PXN: variants seen among roughly 807,000 people sequenced by gnomAD.
The protein encoded by PXN is testicular tissue protein Li 134.
A neutral mutation model predicts 103.6 loss-of-function variants in PXN; 61 were observed. The observed-to-expected ratio is 0.59, with a 90% CI of 0.48 to 0.73. The LOEUF (loss-of-function observed/expected upper bound fraction) is 0.73. Ranked by LOEUF, PXN falls within the 30% of genes least tolerant of loss-of-function variation. The probability of loss-of-function intolerance (pLI) is 0.00; values close to 1 mark genes in which losing one functional copy is unlikely to be tolerated. For missense variants in PXN, 1,274 were observed against 1,460.3 expected (o/e 0.87, Z 2.08); for synonymous variants, 562 against 607.8 (o/e 0.92, Z 1.11).
At chr12:120,261,241 A>G (rs926472792) in intron 1 of PXN, among the ~76,000 whole-genome samples, 2 of 152,216 alleles carry the variant, frequency 1.3e-5, no homozygotes, top group Non-Finnish European at 2.9e-5. Context: ...CCTAGGCCAG[A>G]GTGCAGTGAT....
rs1188980754 is a variant in PXN, at chr12:120,217,031, G to A, written c.1802C>T (p.Pro601Leu). ...GGATGGGGTCCTGCTCAAGGTGGCA[G>A]GGTCCAGCCGGCGGCGAGGGGAGGG... is the stretch of plus-strand genomic sequence containing the variant. ...REPSPRRRLD[P>L]ATLSRTPSQE... The change falls in exon 8 of 15, where the codon CCT becomes CTT. Residue 601 changes from proline to leucine, a missense_variant. Coordinates refer to ENST00000637617, the MANE Select transcript of PXN (RefSeq NM_001385981.1). This position sits in a 1 kb window ranked among gnomAD's most constrained non-coding sequence, Gnocchi z 4.1. The A allele has an allele frequency of 6.3e-7, 1 of 1,584,714 alleles. No homozygotes were observed. The highest frequency in any genetic ancestry group is 8.5e-7 in the Non-Finnish European group (1 of 1,173,896).
intron 1 of PXN, among the ~76,000 whole-genome samples, chr12:120,248,977 A>C (rs928929800): frequency 1.3e-5 from 2 of 151,860 alleles, no homozygotes; most frequent in African/African-American, 4.8e-5. Context: ...TCTCTACTAA[A>C]AATACAAAAC....
intron 1 of PXN, chr12:120,226,044 C>G: frequency 9.2e-7 from 1 of 1,083,838 alleles, no homozygotes; most frequent in African/African-American, 1.7e-5. Flanking sequence ...GGAGGCCTGG[C>G]TTCCTGTCTC....
Position 120,214,782 on chromosome 12 carries a change from T to A in PXN, c.2748+43A>T. 1 of 1,608,242 alleles carries A rather than the reference T, an allele frequency of 6.2e-7. No homozygotes were observed. Among genetic ancestry groups the A allele is most frequent in the Non-Finnish European group, 8.5e-7 (1 of 1,175,992 alleles). On this transcript the variant is annotated intron_variant, in intron 12 of 14. Coordinates refer to ENST00000637617, the MANE Select transcript of PXN (RefSeq NM_001385981.1). This position sits in a 1 kb window ranked among gnomAD's most constrained non-coding sequence, Gnocchi z 5.0. The stretch of plus-strand genomic sequence containing the variant: ...CATCCTCAGAGGGCTGCGGTGAAGC[T>A]GGAATGAGCGGAAGCGGGCGCGGTG...
intron 1 of PXN, among the ~76,000 whole-genome samples, chr12:120,260,999 A>G (rs1439789745): frequency 6.6e-6 from 1 of 152,182 alleles, no homozygotes; most frequent in Non-Finnish European, 1.5e-5. Context: ...TAGCACTGCC[A>G]TTCACTAGTT....
At chr12:120,248,028 T>C (rs1891466484) in intron 1 of PXN, among the ~76,000 whole-genome samples, 1 of 151,752 alleles carries the variant, frequency 6.6e-6, no homozygotes, top group South Asian at 2.1e-4. Flanking sequence ...TGGACAAAAT[T>C]GAAAAGAAAA....
At chr12:120,238,285 T>C (rs981306848) in intron 1 of PXN, among the ~76,000 whole-genome samples, 1 of 152,144 alleles carries the variant, frequency 6.6e-6, no homozygotes, top group African/African-American at 2.4e-5. Flanking sequence ...TGAGACCACG[T>C]CGTAGTTAGC....
intron 1 of PXN, among the ~76,000 whole-genome samples, chr12:120,242,419 T>A (rs569156927): frequency 6.6e-6 from 1 of 151,988 alleles, no homozygotes; most frequent in African/African-American, 2.4e-5. Context: ...GGGGTCAGCC[T>A]AAGCAGGTTA....
At chr12:120,218,234 G>A (rs868132792) in intron 7 of PXN, among the ~76,000 whole-genome samples, 11 of 151,634 alleles carry the variant, frequency 7.3e-5, no homozygotes, top group Admixed American at 2.6e-4. Flanking sequence ...TGTAGAGACA[G>A]GGTTTCACTG....
intron 1 of PXN, chr12:120,226,648 A>G (rs779717599): frequency 4.2e-6 from 5 of 1,178,406 alleles, no homozygotes; most frequent in Non-Finnish European, 5.3e-6. Context: ...TTGGGAGCAC[A>G]GATCCCTAGG....
At position 120,221,756 on chromosome 12, in the gene PXN, G is replaced by A. The variant is rs761067124; in HGVS notation, c.698C>T (p.Pro233Leu). 1.3e-5 allele frequency: 20 copies of A among 1,566,398 alleles called. No homozygotes were observed. Among genetic ancestry groups the A allele is most frequent in the Non-Finnish European group, 1.7e-5 (20 of 1,157,104 alleles). ...ELESSVPSPV[P>L]AITVNQGEMS... ...CTCGCCCTGGTTCACAGTGATGGCA[G>A]GGCTGCAGGGTGGGCACAGCATCAG... The change falls in exon 6 of 15, where the codon CCT becomes CTT. Residue 233 changes from proline to leucine, a missense_variant and splice_region_variant. Pro to Leu is a moderately conservative substitution (Grantham distance 98). This residue lies in a region of PXN where 1,178 missense variants were observed against 1,309.0 expected (regional missense o/e 0.90). Transcript: ENST00000637617. This position sits in a 1 kb window ranked among gnomAD's most constrained non-coding sequence, Gnocchi z 6.6.
intron 1 of PXN, among the ~76,000 whole-genome samples, chr12:120,246,514 C>CAAAAAAAAAAAAAAAAAA (rs139689226): frequency 1.4e-4 from 8 of 58,250 alleles, no homozygotes; most frequent in African/African-American, 2.5e-4. Context: ...GACTCTGTCT[C>CAAAAAAAAAAAAAAAAAA]AAAAAAAAAA....
In PXN at chr12:120,224,669, C is replaced by A; in HGVS notation, c.14-292G>T. 1.6e-6 allele frequency: 1 copy of A among 642,314 alleles called. No homozygotes were observed. Among genetic ancestry groups the A allele is most frequent in the Admixed American group, 2.1e-5 (1 of 48,060 alleles). The allele number at this position is 642,314 out of a possible 1,614,324, so 39.8% of individuals were successfully genotyped here. ...TCTGGGAGTCAGGCACCTGGCACTG[C>A]GTTCCCTCCTGACAGGGCCGCGCAG... On this transcript the variant is annotated intron_variant, in intron 1 of 14. Coordinates refer to ENST00000637617, the MANE Select transcript of PXN (RefSeq NM_001385981.1). This position sits in a 1 kb window ranked among gnomAD's most constrained non-coding sequence, Gnocchi z 5.0.
At chr12:120,231,478 C>T (rs1209999829) in intron 1 of PXN, among the ~76,000 whole-genome samples, 1 of 152,194 alleles carries the variant, frequency 6.6e-6, no homozygotes, top group Non-Finnish European at 1.5e-5. Flanking sequence ...TTTACCCTTA[C>T]AGCCCTGAAG....
At chr12:120,230,160 GACAAGCCA>G (rs1017224851) in intron 1 of PXN, among the ~76,000 whole-genome samples, 86 of 152,338 alleles carry the variant, frequency 5.6e-4, no homozygotes, top group African/African-American at 1.9e-3. Flanking sequence ...CTTAGGAGCT[GACAAGCCA>G]AAGGAAGGAG....
At chr12:120,258,101 A>G (rs1312329360) in intron 1 of PXN, among the ~76,000 whole-genome samples, 1 of 152,022 alleles carries the variant, frequency 6.6e-6, no homozygotes, top group Non-Finnish European at 1.5e-5. Flanking sequence ...GCTGAGGCAC[A>G]AGAATCACTT....
At chr12:120,232,463 T>C (rs1048291621) in intron 1 of PXN, among the ~76,000 whole-genome samples, 1 of 152,222 alleles carries the variant, frequency 6.6e-6, no homozygotes, top group African/African-American at 2.4e-5. Flanking sequence ...CCAGAGATGC[T>C]AGACCTTTTC....
In PXN at chr12:120,213,800, G is replaced by C; in HGVS notation, c.2979+42C>G. 1 of 1,586,832 alleles carries C rather than the reference G, an allele frequency of 6.3e-7. No individual in the cohort carries two copies. Among genetic ancestry groups the C allele is most frequent in the Non-Finnish European group, 8.6e-7 (1 of 1,166,736 alleles). ...TGAGGAAGACCCCTCTCTCCCCACT[G>C]CCTGCTCCTCGCCCCTCCAGATGTG... is the stretch of plus-strand genomic sequence containing the variant. On this transcript the variant is annotated intron_variant, in intron 14 of 14. Coordinates refer to ENST00000637617, the MANE Select transcript of PXN (RefSeq NM_001385981.1). This position sits in a 1 kb window ranked among gnomAD's most constrained non-coding sequence, Gnocchi z 4.2.
chr12:120,260,452 G>A lies in PXN; in HGVS notation c.13+5165C>T, dbSNP rs139582787. Among the ~76,000 whole-genome samples the A allele has an allele frequency of 7.2e-3, 1,072 of 148,982 alleles. 36 individuals are homozygous for A. In the East Asian group the frequency reaches 0.081, roughly 11 times the overall value. ...TGGGAGGTGGAGGTTGTGGTGAGCC[G>A]AGATCATGCCATTGCCCTCCAGCCT... On this transcript the variant is annotated intron_variant, in intron 1 of 14. Transcript: ENST00000637617.
Sources: allele counts gnomAD v4.1 joint callset (sites outside exome capture counted in the v4.1 genomes callset), GRCh38; gene constraint gnomAD v4.1.1; regional missense constraint gnomAD v4.1.1; non-coding constraint Gnocchi (gnomAD v3.1); transcripts MANE v1.5; gene names NCBI Gene and HGNC (gene_info 2026-07-23, HGNC 2026-07-21).